The following DYNC1I1 variants were observed in gnomAD, a reference collection of about 807,000 sequenced individuals.
DYNC1I1 encodes cytoplasmic dynein 1 intermediate chain 1.
A neutral mutation model predicts 86.6 loss-of-function variants in DYNC1I1; 43 were observed. That is an observed-to-expected ratio of 0.50 (90% CI 0.39 to 0.64). DYNC1I1 has a LOEUF of 0.64. Ranked by LOEUF, DYNC1I1 falls within the 30% of genes least tolerant of loss-of-function variation. DYNC1I1 has a pLI of 0.00. For missense variants in DYNC1I1, 604 were observed against 788.8 expected (o/e 0.77, Z 2.81); for synonymous variants, 262 against 283.7 (o/e 0.92, Z 0.77).
intron 11 of DYNC1I1, 78 bp downstream of exon 11, chr7:96,028,399 A>G (rs1794733295): frequency 6.6e-7 from 1 of 1,522,524 alleles, no homozygotes; most frequent in African/African-American, 1.4e-5. Flanking sequence ...AAAAGTATGG[A>G]TGTTTTCAGT....
At chr7:96,047,130 G>T (rs1789239937) in intron 14 of DYNC1I1, among the ~76,000 whole-genome samples, 2 of 152,098 alleles carry the variant, frequency 1.3e-5, no homozygotes, top group Admixed American at 1.3e-4. Flanking sequence ...TGGAAGAAGG[G>T]GCTAACAGGC....
intron 5 of DYNC1I1, among the ~76,000 whole-genome samples, chr7:95,828,895 C>G (rs547342328): frequency 8.5e-5 from 13 of 152,212 alleles, no homozygotes; most frequent in African/African-American, 3.1e-4. Flanking sequence ...CTCAGGAGAG[C>G]TGATTGCGCA....
At chr7:95,846,621 C>CTGTGTGTGTGTGTGTGTGTGTG (rs750813234) in intron 5 of DYNC1I1, among the ~76,000 whole-genome samples, 6 of 120,298 alleles carry the variant, frequency 5.0e-5, no homozygotes, top group African/African-American at 1.0e-4. Flanking sequence ...TGATAAATCT[C>CTGTGTGTGTGTGTGTGTGTGTG]TCTCTCTGTG....
At chr7:95,913,638 G>A (rs1323993578) in intron 6 of DYNC1I1, among the ~76,000 whole-genome samples, 1 of 152,158 alleles carries the variant, frequency 6.6e-6, no homozygotes, top group Non-Finnish European at 1.5e-5. Context: ...GGAACTGTGA[G>A]TCCATTAAAC....
chr7:95,875,014 G>A (rs1790271736), intron 6 of DYNC1I1, among the ~76,000 whole-genome samples: 1 of 152,192 alleles, frequency 6.6e-6, no homozygotes, highest in Non-Finnish European at 1.5e-5. Flanking sequence ...TGCTGGCTTG[G>A]AAACCTCTAA....
At chr7:96,084,961 C>T (rs1253813530) in intron 16 of DYNC1I1, among the ~76,000 whole-genome samples, 2 of 152,122 alleles carry the variant, frequency 1.3e-5, no homozygotes, top group African/African-American at 4.8e-5. Flanking sequence ...CTTTCTCTGT[C>T]CACACCATTG....
chr7:95,855,509 G>A (rs1347870530), intron 5 of DYNC1I1, among the ~76,000 whole-genome samples: 1 of 152,186 alleles, frequency 6.6e-6, no homozygotes, highest in Non-Finnish European at 1.5e-5. Flanking sequence ...GCTTTCTGCT[G>A]TTAAAGTCAT....
chr7:95,958,920 C>T (rs182157205), intron 6 of DYNC1I1, among the ~76,000 whole-genome samples: 130 of 152,108 alleles, frequency 8.5e-4, no homozygotes, highest in African/African-American at 2.9e-3. Context: ...TTAAGCATAG[C>T]GAATGCTATC....
chr7:95,911,524 A>C (rs572317283), intron 6 of DYNC1I1, among the ~76,000 whole-genome samples: 1 of 152,318 alleles, frequency 6.6e-6, no homozygotes, highest in South Asian at 2.1e-4. Flanking sequence ...CCTCCTGAGA[A>C]GTGGCTGATT....
At chr7:95,800,846 A>G (rs1794560509) in intron 1 of DYNC1I1, among the ~76,000 whole-genome samples, 1 of 152,388 alleles carries the variant, frequency 6.6e-6, no homozygotes, top group South Asian at 2.1e-4. Context: ...AATAACCTGC[A>G]TTAGCCACAG....
chr7:96,034,134 CG>C (rs1205544700), intron 12 of DYNC1I1, among the ~76,000 whole-genome samples: 1 of 151,834 alleles, frequency 6.6e-6, no homozygotes, highest in African/African-American at 2.4e-5. Flanking sequence ...AAGAATACTA[CG>C]TTTTTTTAAA....
intron 1 of DYNC1I1, among the ~76,000 whole-genome samples, chr7:95,801,550 A>C (rs1794577806): frequency 6.6e-6 from 1 of 152,216 alleles, no homozygotes; most frequent in African/African-American, 2.4e-5. Flanking sequence ...GGAAAGGTCA[A>C]GTAAAAGCTG....
chr7:95,825,345 GC>G, intron 4 of DYNC1I1, among the ~76,000 whole-genome samples: 1 of 152,272 alleles, frequency 6.6e-6, no homozygotes, highest in Admixed American at 6.5e-5. Context: ...CTAAAAATCA[GC>G]CCATCAGAAA....
chr7:95,808,319 T>C (rs952873111), intron 2 of DYNC1I1, among the ~76,000 whole-genome samples: 9 of 152,084 alleles, frequency 5.9e-5, no homozygotes, highest in African/African-American at 2.2e-4. Flanking sequence ...CTAAGTGCCC[T>C]TTTTTTGCCA....
intron 11 of DYNC1I1, among the ~76,000 whole-genome samples, 153 bp from the exon 12 acceptor site, chr7:96,032,514 G>A (rs184765097): frequency 1.3e-5 from 2 of 152,134 alleles, no homozygotes; most frequent in Non-Finnish European, 2.9e-5. Context: ...AAGAAATCAG[G>A]TTCAAATCAA....
At chr7:95,967,541 A>T (rs1793048094) in intron 6 of DYNC1I1, among the ~76,000 whole-genome samples, 1 of 152,064 alleles carries the variant, frequency 6.6e-6, no homozygotes, top group Admixed American at 6.6e-5. Context: ...GCCAAATGCC[A>T]CCTCTCAGTA....
In DYNC1I1 at chr7:95,813,093, C is replaced by CTTTTTT. The variant is rs11452827; in HGVS notation, c.224-145_224-140dup. 26 of 1,114,298 alleles carry CTTTTTT rather than the reference C, an allele frequency of 2.3e-5. 1 individual carries two copies. Among genetic ancestry groups the CTTTTTT allele is most frequent in the Admixed American group, 9.6e-5 (3 of 31,336 alleles). The allele number at this position is 1,114,298 out of a possible 1,614,324, so 69.0% of individuals were successfully genotyped here. The stretch of plus-strand genomic sequence containing the variant: ...CACTGGACTTTTTTCCTTTTCTTTC[C>CTTTTTT]TTTTTTTTTTTTTTCTTTATCCCAT... On this transcript the variant is annotated intron_variant, in intron 3 of 16. Transcript: ENST00000447467.
chr7:95,970,902 G>C (rs552503133), intron 6 of DYNC1I1, among the ~76,000 whole-genome samples: 2 of 145,974 alleles, frequency 1.4e-5, no homozygotes, highest in South Asian at 2.3e-4. Flanking sequence ...AAGAGTTAAA[G>C]CTGCTGGAGT....
At chr7:96,054,451 G>T (rs1166251329) in intron 14 of DYNC1I1, among the ~76,000 whole-genome samples, 1 of 152,192 alleles carries the variant, frequency 6.6e-6, no homozygotes, top group Non-Finnish European at 1.5e-5. Context: ...AAACATACAT[G>T]TGCATGTGTC....
Sources: allele counts gnomAD v4.1 joint callset (sites outside exome capture counted in the v4.1 genomes callset), GRCh38; gene constraint gnomAD v4.1.1; transcripts MANE v1.5; gene names NCBI Gene and HGNC (gene_info 2026-07-23, HGNC 2026-07-21).